Variants in MTR observed in about 807,000 individuals in gnomAD.
The protein encoded by MTR is methionine synthase.
Under a neutral mutation model 154.8 loss-of-function variants are expected in MTR, and 84 were observed. The observed-to-expected ratio is 0.54, with a 90% CI of 0.45 to 0.65. MTR has a LOEUF of 0.65. MTR is among the 30% of genes least tolerant of loss of function. The pLI, the probability that MTR is intolerant of heterozygous loss-of-function variation, is 0.00. For synonymous variants in MTR, 554 were observed against 553.9 expected (o/e 1.00, Z 0.00); for missense variants, 1,275 against 1,570.2 (o/e 0.81, Z 3.18).
intron 25 of MTR, 74 bp from the exon 26 acceptor site, chr1:236,885,047 G>T (rs1665941963): frequency 7.8e-6 from 7 of 898,316 alleles, no homozygotes; most frequent in Non-Finnish European, 1.3e-5. Context: ...CCTGAAGGAG[G>T]TGTTATCAGC....
At chr1:236,830,777 T>C (rs1269659487) in intron 12 of MTR, among the ~76,000 whole-genome samples, 3 of 152,092 alleles carry the variant, frequency 2.0e-5, no homozygotes, top group East Asian at 1.9e-4. Flanking sequence ...GCCATGAGGA[T>C]CATTGCCAGA....
chr1:236,883,813 AT>A (rs1665880716), intron 25 of MTR, among the ~76,000 whole-genome samples: 1 of 152,206 alleles, frequency 6.6e-6, no homozygotes, highest in African/African-American at 2.4e-5. Flanking sequence ...ACATAGAGTT[AT>A]AGAATTTTAA....
intron 22 of MTR, among the ~76,000 whole-genome samples, chr1:236,868,956 T>A (rs12082167): frequency 0.03 from 4,621 of 152,204 alleles, 239 homozygotes; most frequent in African/African-American, 0.1. Context: ...TTATTTTTTT[T>A]AAAAAGTAAT....
At chr1:236,806,014 T>C in intron 2 of MTR, 130 bp from the exon 3 acceptor site, 1 of 769,642 alleles carries the variant, frequency 1.3e-6, no homozygotes, top group Non-Finnish European at 2.3e-6. Flanking sequence ...TACCTTCTAA[T>C]GCAGTGCCTT....
Position 236,874,877 on chromosome 1 carries a change from T to A in MTR, c.2594+31T>A, listed in dbSNP as rs1665345131. ...TTATACTAATGAGCTTTGTCCTCACTTCAAATTTTCTTATATGCCAGTGTT... is the reference window on the plus strand; with the variant it reads ...TTATACTAATGAGCTTTGTCCTCACATCAAATTTTCTTATATGCCAGTGTT... On this transcript the variant is annotated intron_variant, in intron 24 of 32. Coordinates refer to ENST00000366577, the MANE Select transcript of MTR (RefSeq NM_000254.3). 3 of 1,611,330 alleles carry A rather than the reference T, an allele frequency of 1.9e-6. No homozygotes were observed. The African/African-American group carries it at 4.0e-5, about 22-fold the overall frequency.
At chr1:236,832,774 C>T (rs1475496312) in intron 13 of MTR, among the ~76,000 whole-genome samples, 1 of 152,176 alleles carries the variant, frequency 6.6e-6, no homozygotes, top group Non-Finnish European at 1.5e-5. Context: ...GAAACCAGTA[C>T]CAGAGCTGAT....
intron 15 of MTR, among the ~76,000 whole-genome samples, chr1:236,840,303 C>T (rs572789046): frequency 1.3e-5 from 2 of 152,306 alleles, no homozygotes; most frequent in Admixed American, 1.3e-4. Context: ...AGCATATAAA[C>T]TGTGGGTATG....
chr1:236,877,677 A>G (rs557822235), intron 24 of MTR, among the ~76,000 whole-genome samples: 2 of 152,148 alleles, frequency 1.3e-5, no homozygotes, highest in Admixed American at 1.3e-4. Context: ...CTTTGGGGCT[A>G]TCACAAACAA....
chr1:236,815,543 G>C, intron 6 of MTR, 61 bp from the exon 7 acceptor site: 2 of 1,542,372 alleles, frequency 1.3e-6, no homozygotes. Context: ...TAATCAGGAA[G>C]TTAGACTAAT....
At chr1:236,805,416 G>C (rs1233851924) in intron 2 of MTR, among the ~76,000 whole-genome samples, 1 of 152,146 alleles carries the variant, frequency 6.6e-6, no homozygotes, top group Non-Finnish European at 1.5e-5. Context: ...GCAGGAAGAA[G>C]ATAAGGGAAC....
intron 2 of MTR, among the ~76,000 whole-genome samples, chr1:236,804,746 G>T (rs1320157526): frequency 1.3e-5 from 2 of 152,070 alleles, no homozygotes; most frequent in Non-Finnish European, 2.9e-5. Context: ...TTTCCCCAGA[G>T]ATAACCACTG....
At chr1:236,812,183 C>T (rs1474863363) in intron 5 of MTR, among the ~76,000 whole-genome samples, 2 of 152,266 alleles carry the variant, frequency 1.3e-5, no homozygotes, top group Non-Finnish European at 2.9e-5. Context: ...CAACCCAAGA[C>T]ATTTCTAACA....
intron 12 of MTR, 44 bp downstream of exon 12, chr1:236,829,312 G>T (rs1426453097): frequency 4.7e-6 from 7 of 1,497,202 alleles, no homozygotes; most frequent in African/African-American, 1.4e-5. Flanking sequence ...GAAACCATTT[G>T]TGGAGTGTGA....
intron 18 of MTR, among the ~76,000 whole-genome samples, chr1:236,858,104 C>T (rs1220964924): frequency 6.6e-6 from 1 of 152,150 alleles, no homozygotes; most frequent in Non-Finnish European, 1.5e-5. Flanking sequence ...AAGAGAAAGC[C>T]AGATCAGGTG....
At chr1:236,799,964 C>A in intron 1 of MTR, 2 of 793,768 alleles carry the variant, frequency 2.5e-6, no homozygotes, top group Non-Finnish European at 3.1e-6. Flanking sequence ...GGTGGCTCAA[C>A]AAACAAGATG....
chr1:236,795,471 A>G lies in MTR; in HGVS notation c.-233A>G. 2 of 1,508,956 alleles carry G rather than the reference A, an allele frequency of 1.3e-6. No homozygotes were observed. Among genetic ancestry groups the G allele is most frequent in the Middle Eastern group, 1.7e-4 (1 of 5,864 alleles). 93.5% of individuals were successfully genotyped at this position (1,508,956 alleles called of 1,614,324 possible). ...AAGGACTGGCCGGGTACCCGGGAAG[A>G]AAGCACGTGCTCCAGCAGTTGCCGC... is the stretch of plus-strand genomic sequence containing the variant. On this transcript the variant is annotated 5_prime_UTR_variant, in exon 1 of 33. Transcript: ENST00000366577.
chr1:236,820,980 GT>G (rs1661904993), intron 8 of MTR, among the ~76,000 whole-genome samples: 1 of 152,218 alleles, frequency 6.6e-6, no homozygotes, highest in Admixed American at 6.5e-5. Flanking sequence ...TCTTTAGACA[GT>G]TTTTAAAATT....
At chr1:236,876,429 G>T (rs958644458) in intron 24 of MTR, among the ~76,000 whole-genome samples, 1 of 152,174 alleles carries the variant, frequency 6.6e-6, no homozygotes. Flanking sequence ...ATGAGCATGG[G>T]CTTGGGTAAT....
At chr1:236,829,381 A>T in intron 12 of MTR, 113 bp downstream of exon 12, 1 of 896,170 alleles carries the variant, frequency 1.1e-6, no homozygotes, top group Non-Finnish European at 1.9e-6. Context: ...TCGAAGAAGA[A>T]TCCATATATT....
Sources: allele counts gnomAD v4.1 joint callset (sites outside exome capture counted in the v4.1 genomes callset), GRCh38; gene constraint gnomAD v4.1.1; transcripts MANE v1.5; gene names NCBI Gene and HGNC (gene_info 2026-07-23, HGNC 2026-07-21).